Variants in RPTOR observed in about 807,000 individuals in gnomAD.
The protein encoded by RPTOR is regulatory associated protein of MTOR complex 1.
In RPTOR, 21 loss-of-function variants were observed where a neutral mutation model predicts 169.9. That is an observed-to-expected ratio of 0.12 (90% confidence interval 0.09 to 0.18). The LOEUF (loss-of-function observed/expected upper bound fraction) is 0.18. Among genes scored for constraint, RPTOR ranks in the 10% least tolerant of loss-of-function variants. The probability of loss-of-function intolerance (pLI) is 1.00; values close to 1 mark genes in which losing one functional copy is unlikely to be tolerated. For missense variants in RPTOR, 1,133 were observed against 1,855.9 expected (o/e 0.61, Z 7.16); for synonymous variants, 732 against 753.2 (o/e 0.97, Z 0.46).
chr17:80,653,014 T>A (rs940199007), intron 3 of RPTOR, among the ~76,000 whole-genome samples: 1 of 152,268 alleles, frequency 6.6e-6, no homozygotes, highest in African/African-American at 2.4e-5. Flanking sequence ...TGCCATCTTT[T>A]CATGTGCTTA....
Position 80,652,965 on chromosome 17 carries a change from C to T in RPTOR, c.348+9155C>T, listed in dbSNP as rs778056433. Reference sequence around the variant, plus strand: ...TAGTGGGTATGAAGTGGAATCTCATCGTGGTTTTGGTTTTCATTTCCCTGA... The same window carrying T: ...TAGTGGGTATGAAGTGGAATCTCATTGTGGTTTTGGTTTTCATTTCCCTGA... On this transcript the variant is annotated intron_variant, in intron 3 of 33. Transcript: ENST00000306801. Among the ~76,000 whole-genome samples, 7 of 152,274 alleles carry T rather than the reference C, an allele frequency of 4.6e-5. No individual in the cohort carries two copies. The East Asian group carries it at 5.8e-4, about 13-fold the overall frequency.
At chr17:80,806,454 T>C (rs2067219686) in intron 7 of RPTOR, among the ~76,000 whole-genome samples, 1 of 152,222 alleles carries the variant, frequency 6.6e-6, no homozygotes, top group Non-Finnish European at 1.5e-5. Context: ...TTTGGAGGCA[T>C]GGACAGGGTA....
At chr17:80,826,015 C>T (rs922565688) in intron 9 of RPTOR, among the ~76,000 whole-genome samples, 1 of 152,104 alleles carries the variant, frequency 6.6e-6, no homozygotes, top group Non-Finnish European at 1.5e-5. Flanking sequence ...GGCTCACCTC[C>T]GCCGGCCCTG....
At chr17:80,630,495 G>A (rs892402650) in intron 2 of RPTOR, among the ~76,000 whole-genome samples, 4 of 152,228 alleles carry the variant, frequency 2.6e-5, no homozygotes, top group Admixed American at 6.5e-5. Flanking sequence ...TGCATGTCTT[G>A]TGATCTTGAG....
At chr17:80,788,333 A>G (rs2067014552) in intron 6 of RPTOR, among the ~76,000 whole-genome samples, 1 of 152,130 alleles carries the variant, frequency 6.6e-6, no homozygotes, top group South Asian at 2.1e-4. Context: ...TTAGCCGGGC[A>G]TGGTGGCGGG....
intron 1 of RPTOR, among the ~76,000 whole-genome samples, chr17:80,596,149 T>C (rs992452366): frequency 2.6e-5 from 4 of 151,626 alleles, no homozygotes; most frequent in Non-Finnish European, 4.4e-5. Context: ...ACATTTTCTA[T>C]GATTAATATT....
intron 9 of RPTOR, among the ~76,000 whole-genome samples, chr17:80,833,001 A>G (rs896074777): frequency 2.0e-5 from 3 of 152,140 alleles, no homozygotes; most frequent in Middle Eastern, 3.2e-3. Flanking sequence ...CTTTCTGTTT[A>G]ATGTTTGATG....
chr17:80,748,580 G>A (rs1343031647), intron 5 of RPTOR, among the ~76,000 whole-genome samples: 152 of 97,786 alleles, frequency 1.6e-3, no homozygotes, highest in East Asian at 2.2e-3. Context: ...GTGTGTGTTT[G>A]GAGGCCGTGG....
chr17:80,787,670 C>T (rs1327285693), intron 6 of RPTOR, among the ~76,000 whole-genome samples: 4 of 152,078 alleles, frequency 2.6e-5, no homozygotes, highest in African/African-American at 9.7e-5. Flanking sequence ...CACATCCTTT[C>T]TAGTTCTTGG....
At chr17:80,688,383 T>C (rs2065965116) in intron 3 of RPTOR, among the ~76,000 whole-genome samples, 1 of 152,222 alleles carries the variant, frequency 6.6e-6, no homozygotes. Flanking sequence ...TGTCCAAAGT[T>C]CATCCCTCAA....
At chr17:80,821,983 T>C (rs952271568) in intron 7 of RPTOR, among the ~76,000 whole-genome samples, 3 of 152,168 alleles carry the variant, frequency 2.0e-5, no homozygotes, top group Non-Finnish European at 4.4e-5. Flanking sequence ...GTTTTGGAGA[T>C]GTGCGGGAAG....
At chr17:80,832,117 T>TG (rs1486412633) in intron 9 of RPTOR, among the ~76,000 whole-genome samples, 16 of 152,222 alleles carry the variant, frequency 1.1e-4, no homozygotes, top group African/African-American at 3.6e-4. Flanking sequence ...TGGGTTAGTG[T>TG]GGAAAAACTC....
intron 1 of RPTOR, among the ~76,000 whole-genome samples, chr17:80,608,907 T>C (rs1029670670): frequency 3.3e-5 from 5 of 152,156 alleles, no homozygotes; most frequent in African/African-American, 1.2e-4. Context: ...CTGAGGGTGG[T>C]CAGACGCCTA....
chr17:80,949,645 C>A, intron 28 of RPTOR, 98 bp downstream of exon 28: 1 of 961,666 alleles, frequency 1.0e-6, no homozygotes, highest in Non-Finnish European at 1.7e-6. Flanking sequence ...TCTAAACAGG[C>A]TGCTCCACCT....
chr17:80,590,094 A>T (rs1156415808), intron 1 of RPTOR, among the ~76,000 whole-genome samples: 1 of 152,266 alleles, frequency 6.6e-6, no homozygotes, highest in Non-Finnish European at 1.5e-5. Context: ...ATGAGTGGTT[A>T]TTGAATTTTA....
chr17:80,685,077 C>G (rs1184205898), intron 3 of RPTOR, among the ~76,000 whole-genome samples: 1 of 125,884 alleles, frequency 7.9e-6, no homozygotes, highest in African/African-American at 3.9e-5. Flanking sequence ...GTCAAATTCC[C>G]TTCCTACCTC....
At position 80,885,062 on chromosome 17, in the gene RPTOR, A is replaced by G; in HGVS notation, c.1897A>G (p.Arg633Gly). 1 of 1,608,058 alleles carries G rather than the reference A, an allele frequency of 6.2e-7. No homozygotes were observed. Among genetic ancestry groups the G allele is most frequent in the Non-Finnish European group, 8.5e-7 (1 of 1,178,046 alleles). The change falls in exon 17 of 34, where the codon AGG (arginine) becomes GGG (glycine). Residue 633 changes from arginine (R) to glycine (G), a missense_variant. Coordinates refer to ENST00000306801, the MANE Select transcript of RPTOR (RefSeq NM_020761.3). ...LGTFVGNSAE[R>G]TDHSTTIDHN... ...CACGTTCGTGGGCAACTCTGCAGAG[A>G]GGACGGACCACTCCACCACCATCGA...
chr17:80,946,611 C>T (rs546517549), intron 26 of RPTOR, among the ~76,000 whole-genome samples: 12 of 152,360 alleles, frequency 7.9e-5, no homozygotes, highest in South Asian at 4.1e-4. Context: ...TTCGGCTCAG[C>T]GCAGTGTCTT....
At chr17:80,611,861 G>A (rs1050377063) in intron 1 of RPTOR, among the ~76,000 whole-genome samples, 1 of 150,640 alleles carries the variant, frequency 6.6e-6, no homozygotes, top group African/African-American at 2.5e-5. Flanking sequence ...CAGACTTCTT[G>A]TGGAAGGGTC....
Sources: allele counts gnomAD v4.1 joint callset (sites outside exome capture counted in the v4.1 genomes callset), GRCh38; gene constraint gnomAD v4.1.1; transcripts MANE v1.5; gene names NCBI Gene and HGNC (gene_info 2026-07-23, HGNC 2026-07-21).